The following NAALADL2 variants were observed in gnomAD, a reference collection of about 807,000 sequenced individuals.
NAALADL2 encodes N-acetylated alpha-linked acidic dipeptidase like 2, also known as inactive N-acetylated-alpha-linked acidic dipeptidase-like protein 2.
Under a neutral mutation model 87.2 loss-of-function variants are expected in NAALADL2, and 76 were observed. The observed-to-expected ratio is 0.87, with a 90% CI of 0.72 to 1.05. The LOEUF is 1.05. Among genes scored for constraint, NAALADL2 ranks in the 50% least tolerant of loss-of-function variants. The probability of loss-of-function intolerance (pLI) is 0.00; values close to 1 mark genes in which losing one functional copy is unlikely to be tolerated. For missense variants in NAALADL2, 1,089 were observed against 945.8 expected (o/e 1.15, Z -1.99); for synonymous variants, 354 against 331.0 (o/e 1.07, Z -0.75).
intron 2 of NAALADL2, among the ~76,000 whole-genome samples, chr3:174,721,305 A>G (rs1267244587): frequency 6.6e-6 from 1 of 152,230 alleles, no homozygotes; most frequent in South Asian, 2.1e-4. Context: ...GTAATATGAC[A>G]GTGAGTATTC....
intron 3 of NAALADL2, among the ~76,000 whole-genome samples, chr3:174,793,915 C>T (rs912010172): frequency 6.6e-6 from 1 of 151,830 alleles, no homozygotes; most frequent in African/African-American, 2.4e-5. Flanking sequence ...CAGTTGCGAC[C>T]ATTCAGATTC....
At chr3:175,044,226 CTATATTTTTG>C (rs943389462) in intron 1 of NAALADL2, among the ~76,000 whole-genome samples, 17 of 151,992 alleles carry the variant, frequency 1.1e-4, no homozygotes, top group African/African-American at 2.9e-4. Flanking sequence ...AAAAAATACA[CTATATTTTTG>C]TATATTTTTG....
At chr3:175,458,188 T>C (rs891564652) in intron 6 of NAALADL2, among the ~76,000 whole-genome samples, 2 of 152,052 alleles carry the variant, frequency 1.3e-5, no homozygotes, top group Non-Finnish European at 2.9e-5. Flanking sequence ...GAGTGGAGAA[T>C]AGTGTCTAGA....
At chr3:175,368,247 A>T (rs1446746712) in intron 5 of NAALADL2, among the ~76,000 whole-genome samples, 2 of 152,106 alleles carry the variant, frequency 1.3e-5, no homozygotes, top group African/African-American at 4.8e-5. Flanking sequence ...GTGCTGCTGG[A>T]TTCGGGTTGC....
intron 2 of NAALADL2, among the ~76,000 whole-genome samples, chr3:175,211,684 A>G (rs971110886): frequency 6.6e-6 from 1 of 151,958 alleles, no homozygotes; most frequent in Non-Finnish European, 1.5e-5. Context: ...TCTGGTGCCA[A>G]TTTAACCCGG....
chr3:175,127,818 A>G (rs1354902733), intron 2 of NAALADL2, among the ~76,000 whole-genome samples: 1 of 152,126 alleles, frequency 6.6e-6, no homozygotes. Flanking sequence ...CAGGAGTTTG[A>G]GACCAGCCTG....
Position 174,506,535 on chromosome 3 carries a change from A to G in NAALADL2, c.-183-44034A>G, listed in dbSNP as rs116747481. 2.4e-3 allele frequency among the ~76,000 whole-genome samples: 358 copies of G among 152,258 alleles called. 3 individuals are homozygous for G. The highest frequency in any genetic ancestry group is 8.3e-3 in the African/African-American group (345 of 41,544). On this transcript the variant is annotated intron_variant, in intron 1 of 3. Transcript: ENST00000434257. ...AAAAATGCTGTCTGTGGCATCTGAT[A>G]TTGATAAACATTTAGAATATCTAGT... is the stretch of plus-strand genomic sequence containing the variant.
rs1489615996 is a variant in NAALADL2 at position 174,464,581 on chromosome 3, A to G, written c.-184+23549A>G. ...CTTTAAATTGGTTATTAAAATGAAT[A>G]AGGTTGTTATAATTATGTTTTTATT... is the stretch of plus-strand genomic sequence containing the variant. On this transcript the variant is annotated intron_variant, in intron 1 of 3. Coordinates refer to the NAALADL2 transcript ENST00000434257. Among the ~76,000 whole-genome samples the G allele has an allele frequency of 2.0e-5, 3 of 152,106 alleles. No homozygotes were observed. The East Asian group carries it at 5.8e-4, about 29-fold the overall frequency.
intron 3 of NAALADL2, among the ~76,000 whole-genome samples, chr3:174,754,409 T>G (rs891707752): frequency 5.3e-5 from 8 of 151,878 alleles, no homozygotes; most frequent in African/African-American, 1.2e-4. Context: ...GAATGAAGAT[T>G]AACAAAGTAT....
intron 2 of NAALADL2, among the ~76,000 whole-genome samples, chr3:175,111,403 A>G (rs1487688458): frequency 2.0e-5 from 3 of 151,428 alleles, no homozygotes; most frequent in African/African-American, 7.3e-5. Context: ...TATTAATATA[A>G]CTCTGTCATA....
At chr3:174,771,228 A>C (rs186416172) in intron 3 of NAALADL2, among the ~76,000 whole-genome samples, 83 of 152,346 alleles carry the variant, frequency 5.4e-4, no homozygotes, top group African/African-American at 1.9e-3. Context: ...GAAGAGATAT[A>C]AACATTTACA....
At chr3:174,945,226 A>G (rs1739228694) in intron 1 of NAALADL2, among the ~76,000 whole-genome samples, 1 of 152,204 alleles carries the variant, frequency 6.6e-6, no homozygotes, top group Non-Finnish European at 1.5e-5. Context: ...ACTTTTTCAA[A>G]CATAATCAAA....
chr3:174,873,121 C>A (rs1477883323), intron 1 of NAALADL2, among the ~76,000 whole-genome samples: 1 of 152,028 alleles, frequency 6.6e-6, no homozygotes, highest in Non-Finnish European at 1.5e-5. Context: ...AATAGTGGCT[C>A]TAGATGTAAT....
chr3:175,612,722 A>G (rs565155185), intron 10 of NAALADL2, among the ~76,000 whole-genome samples: 2 of 152,152 alleles, frequency 1.3e-5, no homozygotes, highest in Non-Finnish European at 2.9e-5. Flanking sequence ...AGGCTTTACC[A>G]GAGAGACCAG....
At chr3:174,741,410 G>A (rs915581995) in intron 3 of NAALADL2, among the ~76,000 whole-genome samples, 9 of 151,420 alleles carry the variant, frequency 5.9e-5, no homozygotes, top group Non-Finnish European at 3.0e-5. Context: ...ATATAAAAAA[G>A]CATACAACTT....
intron 2 of NAALADL2, among the ~76,000 whole-genome samples, chr3:175,215,075 A>G (rs1369229546): frequency 1.3e-5 from 2 of 152,128 alleles, no homozygotes; most frequent in Non-Finnish European, 2.9e-5. Context: ...AAGTTACTTG[A>G]TATCTACAAG....
At chr3:175,242,944 A>G (rs1005269196) in intron 3 of NAALADL2, among the ~76,000 whole-genome samples, 4 of 152,204 alleles carry the variant, frequency 2.6e-5, no homozygotes, top group Non-Finnish European at 1.5e-5. Context: ...TGTAAGATAG[A>G]CTGGAACAAT....
At chr3:175,186,871 G>A (rs1476269363) in intron 2 of NAALADL2, among the ~76,000 whole-genome samples, 1 of 151,972 alleles carries the variant, frequency 6.6e-6, no homozygotes, top group African/African-American at 2.4e-5. Context: ...AGTGCTCAGA[G>A]CCCTGGTAGT....
intron 2 of NAALADL2, among the ~76,000 whole-genome samples, chr3:174,721,784 G>A (rs1444160137): frequency 1.3e-5 from 2 of 152,160 alleles, no homozygotes; most frequent in Non-Finnish European, 2.9e-5. Flanking sequence ...GTCACGTGGA[G>A]CACCAGCTGG....
Sources: allele counts gnomAD v4.1 joint callset (sites outside exome capture counted in the v4.1 genomes callset), GRCh38; gene constraint gnomAD v4.1.1; transcripts MANE v1.5; gene names NCBI Gene and HGNC (gene_info 2026-07-23, HGNC 2026-07-21).